AMPD1: variants seen among roughly 807,000 people sequenced by gnomAD.
AMPD1 encodes the protein AMP deaminase 1.
AMPD1 carries 74 observed loss-of-function variants against 82.9 expected under a neutral mutation model. That is an observed-to-expected ratio of 0.89 (90% confidence interval 0.74 to 1.08). AMPD1 has a LOEUF of 1.08. AMPD1 is among the 50% of genes least tolerant of loss of function. The probability of loss-of-function intolerance (pLI) is 0.00; values close to 1 mark genes in which losing one functional copy is unlikely to be tolerated. For missense variants in AMPD1, 881 were observed against 924.5 expected, an observed-to-expected ratio of 0.95 and a Z score of 0.61; for synonymous variants, 333 against 320.5, an observed-to-expected ratio of 1.04 and a Z score of -0.42.
intron 2 of AMPD1, among the ~76,000 whole-genome samples, chr1:114,693,117 A>AAAATAAAT (rs10601370): frequency 5.7e-4 from 79 of 138,216 alleles, no homozygotes; most frequent in East Asian, 5.6e-3. Flanking sequence ...CATCCATCTC[A>AAAATAAAT]AAATAAATAA....
Position 114,673,959 on chromosome 1 carries a change from G to A in AMPD1, c.1924C>T (p.Leu642=), listed in dbSNP as rs760814471. 6.2e-7 allele frequency: 1 copy of A among 1,614,074 alleles called. No individual in the cohort carries two copies. Among genetic ancestry groups the A allele is most frequent in the Admixed American group, 1.7e-5 (1 of 60,016 alleles). The part of the protein sequence containing the change: ...NPFLDFLQKG[L]MISLSTDDPM... Reference sequence around the variant, plus strand: ...TCATCTGTAGACAGTGAGATCATTAGCCCTTTCTGAAGGAAATCCAAAAAA... The same window carrying A: ...TCATCTGTAGACAGTGAGATCATTAACCCTTTCTGAAGGAAATCCAAAAAA... Residue 642 remains leucine (L), a synonymous_variant, in exon 14 of 16, where the codon CTA becomes TTA. Transcript: ENST00000520113.
At chr1:114,674,658 G>C in intron 13 of AMPD1, 94 bp downstream of exon 13, 2 of 1,441,710 alleles carry the variant, frequency 1.4e-6, no homozygotes, top group Non-Finnish European at 1.9e-6. Context: ...TATGATTGCA[G>C]TGTCGATAAT....
intron 2 of AMPD1, among the ~76,000 whole-genome samples, chr1:114,691,976 G>A (rs1424561656): frequency 6.6e-6 from 1 of 152,132 alleles, no homozygotes; most frequent in Non-Finnish European, 1.5e-5. Context: ...TGTATTAACA[G>A]CTGGATGGCC....
Position 114,674,048 on chromosome 1 carries a change from T to C in AMPD1, c.1835A>G (p.Gln612Arg). ...PVLQYLFFLAQIPIAMSPLSN... is the reference protein window; with the variant it reads ...PVLQYLFFLARIPIAMSPLSN... ...TAGTGGTGACATGGCGATGGGAATTTGGGCTAAGAAAAACAAGTACTGTAG... is the reference window on the plus strand; with the variant it reads ...TAGTGGTGACATGGCGATGGGAATTCGGGCTAAGAAAAACAAGTACTGTAG... Residue 612 changes from glutamine to arginine, a missense_variant, in exon 14 of 16, where the codon CAA becomes CGA. Coordinates refer to ENST00000520113, the MANE Select transcript of AMPD1 (RefSeq NM_000036.3). 6.2e-7 allele frequency: 1 copy of C among 1,614,064 alleles called. No homozygotes were observed. The highest frequency in any genetic ancestry group is 8.5e-7 in the Non-Finnish European group (1 of 1,179,962).
At chr1:114,675,755 C>A in intron 11 of AMPD1, 62 bp from the exon 12 acceptor site, 1 of 1,613,598 alleles carries the variant, frequency 6.2e-7, no homozygotes, top group Non-Finnish European at 8.5e-7. Flanking sequence ...AGTCCTCACA[C>A]AAACTTTCAG....
chr1:114,675,786 C>T (rs965629361), intron 11 of AMPD1, 91 bp downstream of exon 11: 6 of 1,613,256 alleles, frequency 3.7e-6, no homozygotes, highest in African/African-American at 2.7e-5. Context: ...ACAGACCAAA[C>T]ATAAAGAGAT....
intron 10 of AMPD1, 127 bp from the exon 11 acceptor site, chr1:114,676,130 A>G: frequency 6.3e-6 from 7 of 1,116,076 alleles, no homozygotes; most frequent in African/African-American, 1.5e-5. Flanking sequence ...TCCTAGGTCC[A>G]TGCTCCTCAT....
chr1:114,680,557 T>G, intron 5 of AMPD1, 79 bp from the exon 6 acceptor site: 1 of 1,172,634 alleles, frequency 8.5e-7, no homozygotes, highest in Non-Finnish European at 1.3e-6. Flanking sequence ...TGTGAAATAC[T>G]ACAACATCTC....
chr1:114,676,992 C>G (rs561843026), intron 10 of AMPD1, among the ~76,000 whole-genome samples: 1 of 152,034 alleles, frequency 6.6e-6, no homozygotes, highest in East Asian at 1.9e-4. Flanking sequence ...AAGCCACATC[C>G]CAGTAGAGAT....
chr1:114,685,080 CAA>C (rs1287958546), intron 4 of AMPD1, among the ~76,000 whole-genome samples: 1 of 152,122 alleles, frequency 6.6e-6, no homozygotes, highest in Non-Finnish European at 1.5e-5. Context: ...TATCAGAACC[CAA>C]AGACTTTTCC....
chr1:114,693,543 T>C (rs1658583113), intron 1 of AMPD1, 96 bp from the exon 2 acceptor site: 1 of 1,103,730 alleles, frequency 9.1e-7, no homozygotes, highest in Non-Finnish European at 1.4e-6. Flanking sequence ...CACATGTAGA[T>C]TGCTGTTATT....
rs750771493 is a variant in AMPD1, at chr1:114,680,388, C to A, written c.638G>T (p.Gly213Val). 2.8e-5 allele frequency: 45 copies of A among 1,614,054 alleles called. No homozygotes were observed. The Middle Eastern group carries it at 4.9e-4, about 18-fold the overall frequency. ...NLGYHLKMKDGVVYVYPNEAA... is the reference protein window; with the variant it reads ...NLGYHLKMKDVVVYVYPNEAA... ...TTCATTAGGATAGACGTAAACTACA[C>A]CGTCCTTCATTTTGAGGTGATAGCC... Residue 213 changes from glycine (G) to valine (V), a missense_variant, in exon 6 of 16, where the codon GGT becomes GTT. Physicochemically the swap from Gly to Val is moderately radical, Grantham distance 109 (BLOSUM62 -3). Around this residue, in one of 2 missense-constraint regions of AMPD1, gnomAD observed 783 missense variants for 786.4 expected, o/e 1.00. Coordinates refer to ENST00000520113, the MANE Select transcript of AMPD1 (RefSeq NM_000036.3).
At chr1:114,680,028 A>G (rs762804239) in intron 6 of AMPD1, among the ~76,000 whole-genome samples, 12 of 152,264 alleles carry the variant, frequency 7.9e-5, no homozygotes, top group Admixed American at 2.6e-4. Flanking sequence ...TAGGCAAGTT[A>G]CTTAAGTCAT....
At chr1:114,682,561 C>G (rs1367551027) in intron 5 of AMPD1, among the ~76,000 whole-genome samples, 1 of 150,904 alleles carries the variant, frequency 6.6e-6, no homozygotes, top group Non-Finnish European at 1.5e-5. Context: ...AATAATATTA[C>G]AATTTGGAAC....
At chr1:114,684,128 G>T in intron 5 of AMPD1, 71 bp downstream of exon 5, 1 of 1,452,884 alleles carries the variant, frequency 6.9e-7, no homozygotes, top group Non-Finnish European at 9.5e-7. Context: ...TAATCTAGAG[G>T]CATATTTTAA....
chr1:114,691,541 A>G (rs1463332530), intron 2 of AMPD1, among the ~76,000 whole-genome samples: 1 of 152,068 alleles, frequency 6.6e-6, no homozygotes, highest in East Asian at 1.9e-4. Context: ...GCACTCCAGC[A>G]TGGGCGACAG....
In AMPD1 at chr1:114,680,292, T is replaced by C; in HGVS notation, c.734A>G (p.Asn245Ser). 2 of 1,614,092 alleles carry C rather than the reference T, an allele frequency of 1.2e-6. No individual in the cohort carries two copies. Among genetic ancestry groups the C allele is most frequent in the South Asian group, 2.2e-5 (2 of 91,068 alleles). The change falls in exon 6 of 16, where the codon AAT becomes AGT. Residue 245 changes from asparagine to serine, a missense_variant. Physicochemically the swap from Asn to Ser is conservative, Grantham distance 46. Around this residue, in one of 2 missense-constraint regions of AMPD1, gnomAD observed 783 missense variants for 786.4 expected, o/e 1.00. Coordinates refer to ENST00000520113, the MANE Select transcript of AMPD1 (RefSeq NM_000036.3). ...PNLDTFLDDM[N>S]FLLALIAQGP... Reference sequence around the variant, plus strand: ...TTGAGCAATTAAAGCAAGTAAAAAATTCATATCGTCTAAGAAGGTGTCCAG... The same window carrying C: ...TTGAGCAATTAAAGCAAGTAAAAAACTCATATCGTCTAAGAAGGTGTCCAG...
intron 1 of AMPD1, among the ~76,000 whole-genome samples, chr1:114,694,188 C>T (rs1342604812): frequency 1.3e-5 from 2 of 151,920 alleles, no homozygotes; most frequent in East Asian, 3.9e-4. Flanking sequence ...TGCACTCCAG[C>T]CTGGGTGACA....
At chr1:114,676,240 C>T (rs927128827) in intron 10 of AMPD1, 7 of 484,454 alleles carry the variant, frequency 1.4e-5, no homozygotes, top group African/African-American at 1.2e-4. Context: ...TTTTTACAAA[C>T]CTTTGTCATA....
Sources: gnomAD v4.1 joint callset for allele counts (sites outside exome capture counted in the v4.1 genomes callset) on GRCh38, gnomAD v4.1.1 for gene constraint, gnomAD v4.1.1 regional missense constraint, MANE v1.5 for transcripts, NCBI Gene and HGNC (gene_info 2026-07-23, HGNC 2026-07-21) for gene names.